Variants in ZXDB observed in about 807,000 individuals in gnomAD.
ZXDB encodes the protein zinc finger X-linked duplicated B.
For missense variants in ZXDB, 413 were observed against 679.1 expected, an observed-to-expected ratio of 0.61 and a Z score of 4.36; for synonymous variants, 273 against 314.3, an observed-to-expected ratio of 0.87 and a Z score of 1.39.
Position 57,593,665 on chromosome X carries a change from G to T in ZXDB, c.1617G>T (p.Leu539=). 8.3e-7 allele frequency: 1 copy of T among 1,207,709 alleles called. No individual in the cohort carries two copies. Among genetic ancestry groups the T allele is most frequent in the Non-Finnish European group, 1.1e-6 (1 of 893,906 alleles). Residue 539 remains leucine (L), a synonymous_variant, in exon 1 of 1, where the codon CTG becomes CTT. Coordinates refer to ENST00000374888, the MANE Select transcript of ZXDB (RefSeq NM_007157.4). ...SSLYIHSKKH[L]QDVDTWKSRC... ...TCTACATTCACTCCAAGAAACACCT[G>T]CAGGATGTGGACACTTGGAAAAGCC... is the stretch of plus-strand genomic sequence containing the variant.
In ZXDB at chrX:57,592,702, C is replaced by T. The variant is rs1410205602; in HGVS notation, c.654C>T (p.Ala218=). 1 of 1,181,485 alleles carries T rather than the reference C, an allele frequency of 8.5e-7. No individual in the cohort carries two copies. The highest frequency in any genetic ancestry group is 1.1e-6 in the Non-Finnish European group (1 of 883,355). ...LIAPQAGFPH[A]AHPGDCPELP... is the part of the protein sequence containing the mutation. ...CCCCGCAAGCTGGGTTCCCGCATGC[C>T]GCGCACCCGGGTGACTGCCCAGAGC... The change falls in exon 1 of 1, where the codon GCC becomes GCT. Residue 218 remains alanine (A), a synonymous_variant. Coordinates refer to ENST00000374888, the MANE Select transcript of ZXDB (RefSeq NM_007157.4).
rs755393591 is a variant in ZXDB at position 57,596,218 on chromosome X, G to A, written c.*1758G>A. On this transcript the variant is annotated 3_prime_UTR_variant, in exon 1 of 1. Transcript: ENST00000374888. The stretch of plus-strand genomic sequence containing the variant: ...AAGAGCGTATCTCTCCATTCGATCA[G>A]TTTGTCACCATCTTTGCTCTGTTTT... The A allele has an allele frequency of 7.3e-5, 9 of 123,299 alleles. No individual in the cohort carries two copies. Among genetic ancestry groups the A allele is most frequent in the Admixed American group, 6.6e-4 (7 of 10,588 alleles). 10.2% of individuals were successfully genotyped at this position (123,299 alleles called of 1,213,427 possible). A position where few individuals can be genotyped will look rare whatever the true frequency, so the allele number is the denominator to read the frequency against.
rs1256061569 is a variant in ZXDB at position 57,592,034 on chromosome X, C to G, written c.-15C>G. 1 of 1,023,769 alleles carries G rather than the reference C, an allele frequency of 9.8e-7. No homozygotes were observed. Among genetic ancestry groups the G allele is most frequent in the Non-Finnish European group, 1.2e-6 (1 of 805,035 alleles). The allele number at this position is 1,023,769 out of a possible 1,213,427, so 84.4% of individuals were successfully genotyped here. A position where few individuals can be genotyped will look rare whatever the true frequency, so the allele number is the denominator to read the frequency against. Reference sequence around the variant, plus strand: ...TCCTCGGCTCTGGTTCCAGCCGAGCCTCTCGGACGCAGAGATGGAAATCCC... The same window carrying G: ...TCCTCGGCTCTGGTTCCAGCCGAGCGTCTCGGACGCAGAGATGGAAATCCC... On this transcript the variant is annotated 5_prime_UTR_variant, in exon 1 of 1. Coordinates refer to ENST00000374888, the MANE Select transcript of ZXDB (RefSeq NM_007157.4).
In ZXDB at chrX:57,592,916, G is replaced by A. The variant is rs45605634; in HGVS notation, c.868G>A (p.Val290Met). 93 of 1,195,302 alleles carry A rather than the reference G, an allele frequency of 7.8e-5. No individual in the cohort carries two copies. Among genetic ancestry groups the A allele is most frequent in the Middle Eastern group, 2.9e-4 (1 of 3,441 alleles). Residue 290 changes from valine (V) to methionine (M), a missense_variant, in exon 1 of 1, where the codon GTG (valine) becomes ATG (methionine). Coordinates refer to ENST00000374888, the MANE Select transcript of ZXDB (RefSeq NM_007157.4). ...CTTCGCCAAGAAGCACCAGCTGAAG[G>A]TGCACCTGCTGACGCACAGCAGCAG... ...QTFAKKHQLKVHLLTHSSSQG... is the reference protein window; with the variant it reads ...QTFAKKHQLKMHLLTHSSSQG...
Position 57,596,642 on chromosome X carries a change from G to A in ZXDB, c.*2182G>A, listed in dbSNP as rs1452239386. Reference sequence around the variant, plus strand: ...CCCAGTCTACCCATCCAGCCTTCATGATTCATTCCTGTGTCAAGGTTAGTC... The same window carrying A: ...CCCAGTCTACCCATCCAGCCTTCATAATTCATTCCTGTGTCAAGGTTAGTC... On this transcript the variant is annotated 3_prime_UTR_variant, in exon 1 of 1. Coordinates refer to ENST00000374888, the MANE Select transcript of ZXDB (RefSeq NM_007157.4). 1 of 122,862 alleles carries A rather than the reference G, an allele frequency of 8.1e-6. No individual in the cohort carries two copies. The highest frequency in any genetic ancestry group is 3.3e-5 in the African/African-American group (1 of 30,699). 10.1% of individuals were successfully genotyped at this position (122,862 alleles called of 1,213,427 possible).
chrX:57,592,175 C>G lies in ZXDB; in HGVS notation c.127C>G (p.Arg43Gly). The change falls in exon 1 of 1, where the codon CGC (arginine) becomes GGC (glycine). Residue 43 changes from arginine (R) to glycine (G), a missense_variant. Transcript: ENST00000374888. ...GCCGGCTGGCCAGGTCCCCACGCGCCGCCTCCTGCTGCTCCGGGGCCCCCA... is the reference window on the plus strand; with the variant it reads ...GCCGGCTGGCCAGGTCCCCACGCGCGGCCTCCTGCTGCTCCGGGGCCCCCA... ...DSPAGQVPTR[R>G]LLLLRGPQDG... 1.9e-6 allele frequency: 2 copies of G among 1,052,144 alleles called. No homozygotes were observed. The highest frequency in any genetic ancestry group is 2.4e-6 in the Non-Finnish European group (2 of 823,968). The allele number at this position is 1,052,144 out of a possible 1,213,427, so 86.7% of individuals were successfully genotyped here. A position where few individuals can be genotyped will look rare whatever the true frequency, so the allele number is the denominator to read the frequency against.
rs1183903833 is a variant in ZXDB, at chrX:57,595,323, C to T, written c.*863C>T. On this transcript the variant is annotated 3_prime_UTR_variant, in exon 1 of 1. Transcript: ENST00000374888. ...GCCACAATTTAAGTTTTGCTAATTG[C>T]ATCCCTATGGTAATGTTTGCTTTCC... The T allele has an allele frequency of 8.1e-6, 1 of 123,293 alleles. No individual in the cohort carries two copies. The allele number at this position is 123,293 out of a possible 1,213,427, so 10.2% of individuals were successfully genotyped here. A position where few individuals can be genotyped will look rare whatever the true frequency, so the allele number is the denominator to read the frequency against.
Position 57,592,906 on chromosome X carries a change from C to T in ZXDB, c.858C>T (p.His286=), listed in dbSNP as rs746657895. The change falls in exon 1 of 1, where the codon CAC becomes CAT. Residue 286 remains histidine (H), a synonymous_variant. Transcript: ENST00000374888. ...GCGGGCAAACCTTCGCCAAGAAGCA[C>T]CAGCTGAAGGTGCACCTGCTGACGC... The part of the protein sequence containing the change: ...AQCGQTFAKK[H]QLKVHLLTHS... 2.8e-5 allele frequency: 33 copies of T among 1,193,214 alleles called. No individual in the cohort carries two copies. The East Asian group carries it at 6.7e-4, about 24-fold the overall frequency.
Position 57,594,205 on chromosome X carries a change from A to G in ZXDB, c.2157A>G (p.Pro719=). 3 of 1,210,018 alleles carry G rather than the reference A, an allele frequency of 2.5e-6. No individual in the cohort carries two copies. The highest frequency in any genetic ancestry group is 3.4e-6 in the Non-Finnish European group (3 of 894,918). ...LDSLAMKNSS[P]EPQALTPSSK... Reference sequence around the variant, plus strand: ...CTTTGGCCATGAAAAACTCCAGTCCAGAGCCTCAGGCTTTGACACCCAGCA... The same window carrying G: ...CTTTGGCCATGAAAAACTCCAGTCCGGAGCCTCAGGCTTTGACACCCAGCA... The change falls in exon 1 of 1, where the codon CCA becomes CCG. Residue 719 remains proline, a synonymous_variant. Transcript: ENST00000374888.
chrX:57,597,160 G>A lies in ZXDB; in HGVS notation c.*2700G>A, dbSNP rs944347339. On this transcript the variant is annotated 3_prime_UTR_variant, in exon 1 of 1. Coordinates refer to ENST00000374888, the MANE Select transcript of ZXDB (RefSeq NM_007157.4). The stretch of plus-strand genomic sequence containing the variant: ...TGAAATGTTTCTTTATTGTGTGTGC[G>A]TGTGTGTTTTGAAATACGCACACAG... 2 of 123,052 alleles carry A rather than the reference G, an allele frequency of 1.6e-5. No individual in the cohort carries two copies. Among genetic ancestry groups the A allele is most frequent in the Non-Finnish European group, 3.8e-5 (2 of 53,178 alleles). 10.1% of individuals were successfully genotyped at this position (123,052 alleles called of 1,213,427 possible).
chrX:57,596,380 G>A lies in ZXDB; in HGVS notation c.*1920G>A, dbSNP rs1410713276. 1 of 123,249 alleles carries A rather than the reference G, an allele frequency of 8.1e-6. No homozygotes were observed. Among genetic ancestry groups the A allele is most frequent in the Non-Finnish European group, 1.9e-5 (1 of 53,250 alleles). 10.2% of individuals were successfully genotyped at this position (123,249 alleles called of 1,213,427 possible). A position where few individuals can be genotyped will look rare whatever the true frequency, so the allele number is the denominator to read the frequency against. On this transcript the variant is annotated 3_prime_UTR_variant, in exon 1 of 1. Transcript: ENST00000374888. ...GTAATTTCCCAGAGTTGAAAGGAAA[G>A]ATTGAACTGGAATATTGTGTAAACT...
In ZXDB at chrX:57,594,599, A is replaced by T; in HGVS notation, c.*139A>T. On this transcript the variant is annotated 3_prime_UTR_variant, in exon 1 of 1. Coordinates refer to ENST00000374888, the MANE Select transcript of ZXDB (RefSeq NM_007157.4). Reference sequence around the variant, plus strand: ...ACAGCCCTGGACTACAAGTTTGGAGATTTAAATTCTGATCTTGAGTTTGGA... The same window carrying T: ...ACAGCCCTGGACTACAAGTTTGGAGTTTTAAATTCTGATCTTGAGTTTGGA... 1 of 829,421 alleles carries T rather than the reference A, an allele frequency of 1.2e-6. No individual in the cohort carries two copies. Among genetic ancestry groups the T allele is most frequent in the Non-Finnish European group, 1.7e-6 (1 of 593,703 alleles). 68.4% of individuals were successfully genotyped at this position (829,421 alleles called of 1,213,427 possible). A position where few individuals can be genotyped will look rare whatever the true frequency, so the allele number is the denominator to read the frequency against.
chrX:57,597,026 A>C lies in ZXDB; in HGVS notation c.*2566A>C. 8.0e-6 allele frequency: 1 copy of C among 125,074 alleles called. No homozygotes were observed. 10.3% of individuals were successfully genotyped at this position (125,074 alleles called of 1,213,427 possible). A position where few individuals can be genotyped will look rare whatever the true frequency, so the allele number is the denominator to read the frequency against. ...AAGTTTTTGCCAGAGAGTTTTGCTA[A>C]ATACTCTCTTATTTGCTCTAGTGTA... On this transcript the variant is annotated 3_prime_UTR_variant, in exon 1 of 1. Transcript: ENST00000374888.
Position 57,592,779 on chromosome X carries a change from C to G in ZXDB, c.731C>G (p.Ala244Gly), listed in dbSNP as rs2057899423. ...CCGGCCGAACCCGCGCCAGCTCCGG[C>G]GCCTGAGGAGGAGGCGGAGGGCCCG... ...AEPAEPAPAP[A>G]PEEEAEGPAA... is the part of the protein sequence containing the mutation. Residue 244 changes from alanine (A) to glycine (G), a missense_variant, in exon 1 of 1, where the codon GCG becomes GGG. By Grantham distance (60) the Ala-to-Gly change is moderately conservative. Transcript: ENST00000374888. 2 of 1,149,284 alleles carry G rather than the reference C, an allele frequency of 1.7e-6. No individual in the cohort carries two copies. Among genetic ancestry groups the G allele is most frequent in the South Asian group, 4.0e-5 (2 of 49,834 alleles). 94.7% of individuals were successfully genotyped at this position (1,149,284 alleles called of 1,213,427 possible). A position where few individuals can be genotyped will look rare whatever the true frequency, so the allele number is the denominator to read the frequency against.
Position 57,594,628 on chromosome X carries a change from G to C in ZXDB, c.*168G>C, listed in dbSNP as rs142398255. ...AAATTCTGATCTTGAGTTTGGAACTGACAAGTTGTGTGACCCTGAGCAAGT... is the reference window on the plus strand; with the variant it reads ...AAATTCTGATCTTGAGTTTGGAACTCACAAGTTGTGTGACCCTGAGCAAGT... On this transcript the variant is annotated 3_prime_UTR_variant, in exon 1 of 1. Coordinates refer to ENST00000374888, the MANE Select transcript of ZXDB (RefSeq NM_007157.4). The C allele has an allele frequency of 1.6e-6, 1 of 642,442 alleles. No homozygotes were observed. The highest frequency in any genetic ancestry group is 4.2e-5 in the Admixed American group (1 of 23,609). 52.9% of individuals were successfully genotyped at this position (642,442 alleles called of 1,213,427 possible). A position where few individuals can be genotyped will look rare whatever the true frequency, so the allele number is the denominator to read the frequency against.
Position 57,596,908 on chromosome X carries a change from G to A in ZXDB, c.*2448G>A, listed in dbSNP as rs1025008388. On this transcript the variant is annotated 3_prime_UTR_variant, in exon 1 of 1. Coordinates refer to ENST00000374888, the MANE Select transcript of ZXDB (RefSeq NM_007157.4). ...AGGAAGAAGTTATTTTCTGAGCTTA[G>A]ATAATACTATGTGTATATGTGATTA... The A allele has an allele frequency of 1.6e-5, 2 of 123,668 alleles. No individual in the cohort carries two copies. Among genetic ancestry groups the A allele is most frequent in the African/African-American group, 6.5e-5 (2 of 30,923 alleles). 10.2% of individuals were successfully genotyped at this position (123,668 alleles called of 1,213,427 possible).
rs750234182 is a variant in ZXDB at position 57,592,626 on chromosome X, A to C, written c.578A>C (p.His193Pro). The C allele has an allele frequency of 2.5e-6, 3 of 1,192,079 alleles. No homozygotes were observed. Among genetic ancestry groups the C allele is most frequent in the South Asian group, 1.8e-5 (1 of 54,780 alleles). ...CTCACCCTGGCCACGCCCCCACCAC[A>C]CGCCTGGGAGCCAGGGGCCGCTCCT... ...GVLTLATPPPHAWEPGAAPAQ... is the reference protein window; with the variant it reads ...GVLTLATPPPPAWEPGAAPAQ... Residue 193 changes from histidine to proline, a missense_variant, in exon 1 of 1, where the codon CAC (histidine) becomes CCC (proline). Physicochemically the swap from His to Pro is moderately conservative, Grantham distance 77. Coordinates refer to ENST00000374888, the MANE Select transcript of ZXDB (RefSeq NM_007157.4).
In ZXDB at chrX:57,597,370, G is replaced by C. The variant is rs1280438523; in HGVS notation, c.*2910G>C. The C allele has an allele frequency of 8.1e-6, 1 of 123,119 alleles. No homozygotes were observed. Among genetic ancestry groups the C allele is most frequent in the Admixed American group, 9.5e-5 (1 of 10,517 alleles). The allele number at this position is 123,119 out of a possible 1,213,427, so 10.1% of individuals were successfully genotyped here. A position where few individuals can be genotyped will look rare whatever the true frequency, so the allele number is the denominator to read the frequency against. On this transcript the variant is annotated 3_prime_UTR_variant, in exon 1 of 1. Coordinates refer to ENST00000374888, the MANE Select transcript of ZXDB (RefSeq NM_007157.4). ...TTCAAAAATGTTGTCATTCATTAAG[G>C]CCTCTTAAATAGACCACTATTTTTT...
chrX:57,597,121 A>C lies in ZXDB; in HGVS notation c.*2661A>C, dbSNP rs1160403149. On this transcript the variant is annotated 3_prime_UTR_variant, in exon 1 of 1. Coordinates refer to ENST00000374888, the MANE Select transcript of ZXDB (RefSeq NM_007157.4). The stretch of plus-strand genomic sequence containing the variant: ...ATTGTAGCACTTTGGCAGTGCACTA[A>C]AATTTTGCCACTATGAAATGTTTCT... The C allele has an allele frequency of 2.4e-5, 3 of 123,332 alleles. No individual in the cohort carries two copies. Among genetic ancestry groups the C allele is most frequent in the African/African-American group, 9.7e-5 (3 of 30,781 alleles). 10.2% of individuals were successfully genotyped at this position (123,332 alleles called of 1,213,427 possible).
Sources: allele counts gnomAD v4.1 joint callset, GRCh38; gene constraint gnomAD v4.1.1; transcripts MANE v1.5; gene names NCBI Gene and HGNC (gene_info 2026-07-23, HGNC 2026-07-21).